The following LEMD3 variants were observed in gnomAD, a reference collection of about 807,000 sequenced individuals.
The protein encoded by LEMD3 is LEM domain containing 3, also known as inner nuclear membrane protein Man1.
LEMD3 carries 33 observed loss-of-function variants against 95.2 expected under a neutral mutation model. The ratio of observed to expected loss-of-function variants is 0.35; its 90% CI spans 0.26 to 0.46. The LOEUF (loss-of-function observed/expected upper bound fraction) is 0.46. Ranked by LOEUF, LEMD3 falls within the 20% of genes least tolerant of loss-of-function variation. LEMD3 has a pLI of 1.00. For missense variants in LEMD3, 1,210 were observed against 1,192.8 expected (o/e 1.01, Z -0.21); for synonymous variants, 525 against 474.6 (o/e 1.11, Z -1.38).
chr12:65,205,161 C>T (rs1405171049), intron 1 of LEMD3, among the ~76,000 whole-genome samples: 2 of 152,134 alleles, frequency 1.3e-5, no homozygotes, highest in African/African-American at 4.8e-5. Flanking sequence ...TGAGAACTCA[C>T]TATCATGAGA....
chr12:65,246,261 A>G lies in LEMD3; in HGVS notation c.2672A>G (p.His891Arg), dbSNP rs1470739644. Reference protein sequence around the residue: ...SNTPLKPSNKHMNSMSHLRLR... With the variant: ...SNTPLKPSNKRMNSMSHLRLR... ...ACTCCATTGAAGCCATCAAATAAAC[A>G]TATGAACTCCATGTCTCATCTTCGT... The change falls in exon 13 of 13, where the codon CAT becomes CGT. Residue 891 changes from histidine (H) to arginine (R), a missense_variant. By Grantham distance (29) the His-to-Arg change is conservative. Coordinates refer to ENST00000308330, the MANE Select transcript of LEMD3 (RefSeq NM_014319.5). The G allele has an allele frequency of 7.4e-6, 12 of 1,613,540 alleles. No individual in the cohort carries two copies. Among genetic ancestry groups the G allele is most frequent in the African/African-American group, 1.3e-5 (1 of 75,038 alleles).
chr12:65,179,308 A>G (rs1315403843), intron 1 of LEMD3, among the ~76,000 whole-genome samples: 1 of 152,094 alleles, frequency 6.6e-6, no homozygotes, highest in Non-Finnish European at 1.5e-5. Context: ...TGATAATTTC[A>G]GGGACACTAA....
At position 65,186,158 on chromosome 12, in the gene LEMD3, A is replaced by G. The variant is rs142196659; in HGVS notation, c.1522+15040A>G. Reference sequence around the variant, plus strand: ...GAGGAACTAGAGTCCCACAGAGGGTAACTTGCCTGAGATTCTAAGTCATAA... The same window carrying G: ...GAGGAACTAGAGTCCCACAGAGGGTGACTTGCCTGAGATTCTAAGTCATAA... On this transcript the variant is annotated intron_variant, in intron 1 of 12. Coordinates refer to ENST00000308330, the MANE Select transcript of LEMD3 (RefSeq NM_014319.5). Among the ~76,000 whole-genome samples, 3 of 152,202 alleles carry G rather than the reference A, an allele frequency of 2.0e-5. No individual in the cohort carries two copies. In the East Asian group the frequency reaches 5.8e-4, roughly 29 times the overall value.
intron 1 of LEMD3, among the ~76,000 whole-genome samples, chr12:65,177,553 G>A (rs193043378): frequency 9.9e-5 from 15 of 152,218 alleles, no homozygotes; most frequent in Non-Finnish European, 1.5e-4. Flanking sequence ...AAAAATTCTT[G>A]TAGGCTCTTG....
At chr12:65,222,118 A>C (rs560738329) in intron 4 of LEMD3, among the ~76,000 whole-genome samples, 1 of 152,226 alleles carries the variant, frequency 6.6e-6, no homozygotes, top group East Asian at 1.9e-4. Context: ...TAATATGTTG[A>C]GATAATTTCC....
intron 1 of LEMD3, among the ~76,000 whole-genome samples, chr12:65,185,297 A>C (rs1269826087): frequency 1.3e-5 from 2 of 152,162 alleles, no homozygotes; most frequent in Non-Finnish European, 2.9e-5. Flanking sequence ...CTGCCTCTCT[A>C]AATTGTTCTT....
chr12:65,179,765 T>G (rs1868843378), intron 1 of LEMD3, among the ~76,000 whole-genome samples: 1 of 152,190 alleles, frequency 6.6e-6, no homozygotes, highest in Non-Finnish European at 1.5e-5. Flanking sequence ...TCCCAGAACT[T>G]AAAATAACAT....
intron 4 of LEMD3, 139 bp downstream of exon 4, chr12:65,218,758 G>T: frequency 5.5e-5 from 20 of 366,456 alleles, no homozygotes; most frequent in East Asian, 2.5e-4. Flanking sequence ...AATATGAGCA[G>T]TTATGAGAAA....
At chr12:65,182,574 A>G (rs985721038) in intron 1 of LEMD3, among the ~76,000 whole-genome samples, 2 of 152,140 alleles carry the variant, frequency 1.3e-5, no homozygotes, top group Admixed American at 6.6e-5. Flanking sequence ...TTCACGTTAC[A>G]TAATTAGTGC....
intron 1 of LEMD3, among the ~76,000 whole-genome samples, chr12:65,203,052 C>T (rs940891439): frequency 6.6e-6 from 1 of 152,038 alleles, no homozygotes. Context: ...TTGATTTCTG[C>T]TCTAATTCTT....
chr12:65,231,651 AGAGT>A, intron 4 of LEMD3, among the ~76,000 whole-genome samples: 1 of 152,318 alleles, frequency 6.6e-6, no homozygotes, highest in East Asian at 1.9e-4. Flanking sequence ...CCTGGATGAC[AGAGT>A]GAGAGCCTGT....
Position 65,228,398 on chromosome 12 carries a change from A to T in LEMD3, c.1695+9779A>T, listed in dbSNP as rs59620546. Among the ~76,000 whole-genome samples, 710 of 146,262 alleles carry T rather than the reference A, an allele frequency of 4.9e-3. 5 individuals are homozygous for T. The highest frequency in any genetic ancestry group is 7.0e-3 in the Admixed American group (103 of 14,642). Reference sequence around the variant, plus strand: ...TATTATTGTTATTATTTATTTATTTATTTATTTTTTTTTTTGAGGTGGAGT... The same window carrying T: ...TATTATTGTTATTATTTATTTATTTTTTTATTTTTTTTTTTGAGGTGGAGT... On this transcript the variant is annotated intron_variant, in intron 4 of 12. Coordinates refer to ENST00000308330, the MANE Select transcript of LEMD3 (RefSeq NM_014319.5).
rs1868458228 is a variant in LEMD3, at chr12:65,169,875, G to A, written c.279G>A (p.Pro93=). Residue 93 remains proline (P), a synonymous_variant, in exon 1 of 13, where the codon CCG becomes CCA. Transcript: ENST00000308330. ...AAAAAGMGVR[P]VSGDLSYLRT... ...CGGCCGCGGGGATGGGGGTCCGGCC[G>A]GTCTCGGGCGACCTCTCCTACTTAC... 1.4e-6 allele frequency: 2 copies of A among 1,452,712 alleles called. No homozygotes were observed. The highest frequency in any genetic ancestry group is 9.1e-7 in the Non-Finnish European group (1 of 1,102,242). 90.0% of individuals were successfully genotyped at this position (1,452,712 alleles called of 1,614,324 possible).
chr12:65,172,403 T>G (rs998141236), intron 1 of LEMD3, among the ~76,000 whole-genome samples: 4 of 152,214 alleles, frequency 2.6e-5, no homozygotes, highest in Non-Finnish European at 5.9e-5. Context: ...AAAGATGCAG[T>G]TAGCCAACTC....
chr12:65,185,052 G>A (rs983889359), intron 1 of LEMD3, among the ~76,000 whole-genome samples: 16 of 151,916 alleles, frequency 1.1e-4, no homozygotes, highest in African/African-American at 3.6e-4. Flanking sequence ...TCGGGCCTTG[G>A]GCTCAAGTAA....
At chr12:65,173,869 A>G (rs1868630684) in intron 1 of LEMD3, among the ~76,000 whole-genome samples, 1 of 152,218 alleles carries the variant, frequency 6.6e-6, no homozygotes. Context: ...TGTGGAAAGA[A>G]GTGCCTGCTA....
chr12:65,237,784 CT>C (rs1261142383), intron 4 of LEMD3, among the ~76,000 whole-genome samples: 1 of 152,188 alleles, frequency 6.6e-6, no homozygotes. Context: ...ATGCTCAAAT[CT>C]TATAATTGGT....
At chr12:65,182,059 A>G (rs895007383) in intron 1 of LEMD3, among the ~76,000 whole-genome samples, 6 of 152,162 alleles carry the variant, frequency 3.9e-5, no homozygotes, top group African/African-American at 1.4e-4. Context: ...GAAAACGGAA[A>G]GATAGAGGGA....
chr12:65,183,223 A>G (rs982984368), intron 1 of LEMD3, among the ~76,000 whole-genome samples: 1 of 152,198 alleles, frequency 6.6e-6, no homozygotes, highest in Non-Finnish European at 1.5e-5. Context: ...TTATTTTGAC[A>G]TATAATCAAT....
Sources: allele counts gnomAD v4.1 joint callset (sites outside exome capture counted in the v4.1 genomes callset), GRCh38; gene constraint gnomAD v4.1.1; transcripts MANE v1.5; gene names NCBI Gene and HGNC (gene_info 2026-07-23, HGNC 2026-07-21).